PCDHGB5: variants seen among roughly 807,000 people sequenced by gnomAD.
PCDHGB5 encodes protocadherin gamma-B5.
In PCDHGB5, 48 loss-of-function variants were observed where a neutral mutation model predicts 62.9. The observed-to-expected ratio is 0.76, with a 90% CI of 0.61 to 0.97. The LOEUF is 0.97. PCDHGB5 is among the 50% of genes least tolerant of loss of function. The pLI is 0.00. For synonymous variants in PCDHGB5, 474 were observed against 511.2 expected (o/e 0.93, Z 0.98); for missense variants, 1,118 against 1,198.6 (o/e 0.93, Z 0.99).
intron 1 of PCDHGB5, chr5:141,427,922 G>A: frequency 6.3e-7 from 1 of 1,580,742 alleles, no homozygotes; most frequent in Non-Finnish European, 8.6e-7. Flanking sequence ...ACATGAGCCG[G>A]CGCATGTTGG....
intron 1 of PCDHGB5, among the ~76,000 whole-genome samples, chr5:141,480,339 T>A (rs764049837): frequency 1.3e-4 from 20 of 152,010 alleles, no homozygotes; most frequent in Non-Finnish European, 2.4e-4. Context: ...TGCTTGAGCC[T>A]GGGAGGTTGA....
rs780395794 is a variant in PCDHGB5, at chr5:141,489,685, G to A, written c.2398-5122G>A. ...GCGCATCTCAGAATCAGCAGCATCT[G>A]GGGCACGATTCCCACTGGACAGTGC... On this transcript the variant is annotated intron_variant, in intron 1 of 3. Coordinates refer to ENST00000617380, the MANE Select transcript of PCDHGB5 (RefSeq NM_018925.3). The surrounding 1 kb of genome is among the most constrained non-coding windows in gnomAD (Gnocchi z 4.5). 10 of 1,614,142 alleles carry A rather than the reference G, an allele frequency of 6.2e-6. No individual in the cohort carries two copies. The South Asian group carries it at 1.1e-4, about 18-fold the overall frequency.
intron 1 of PCDHGB5, chr5:141,407,979 T>G: frequency 1.3e-6 from 1 of 748,940 alleles, no homozygotes; most frequent in Non-Finnish European, 2.0e-6. Context: ...ACGCCGGGGA[T>G]CCGTCAGCCT....
chr5:141,482,562 C>A (rs1030078543), intron 1 of PCDHGB5, among the ~76,000 whole-genome samples: 68 of 142,616 alleles, frequency 4.8e-4, no homozygotes, highest in African/African-American at 1.8e-3. Flanking sequence ...TAATGGAGAT[C>A]TGCATAGCAT....
At position 141,400,282 on chromosome 5, in the gene PCDHGB5, G is replaced by T. The variant is rs774476991; in HGVS notation, c.2155G>T (p.Ala719Ser). Residue 719 changes from alanine (A) to serine (S), a missense_variant, in exon 1 of 4, where the codon GCC (alanine) becomes TCC (serine). Ala to Ser is a moderately conservative substitution (Grantham distance 99). This residue lies in a region of PCDHGB5 where 1,034 missense variants were observed against 1,029.1 expected (regional missense o/e 1.00). Transcript: ENST00000617380. ...CCTGCGACGCTCCTCCAGCCCTGCC[G>T]CCTGGAGCTGCTTCCAACCTGGTCT... ...LRLRRSSSPA[A>S]WSCFQPGLCV... is the part of the protein sequence containing the mutation. 2 of 1,613,974 alleles carry T rather than the reference G, an allele frequency of 1.2e-6. No individual in the cohort carries two copies. Among genetic ancestry groups the T allele is most frequent in the Non-Finnish European group, 1.7e-6 (2 of 1,179,868 alleles).
Position 141,491,401 on chromosome 5 carries a change from G to A in PCDHGB5, c.2398-3406G>A. The A allele has an allele frequency of 6.2e-7, 1 of 1,614,100 alleles. No homozygotes were observed. ...GTCAGCGAAGTGCCTTCAGGGAAAC[G>A]CAGACGGGGACGGGGGTGGAGGGCA... On this transcript the variant is annotated intron_variant, in intron 1 of 3. Transcript: ENST00000617380. This position sits in a 1 kb window ranked among gnomAD's most constrained non-coding sequence, Gnocchi z 6.9.
intron 1 of PCDHGB5, chr5:141,424,083 C>T (rs2096798692): frequency 4.2e-6 from 4 of 957,190 alleles, no homozygotes; most frequent in Non-Finnish European, 5.1e-6. Flanking sequence ...TATATTCCAC[C>T]ATTATTTGCT....
intron 1 of PCDHGB5, chr5:141,475,845 G>C: frequency 4.5e-6 from 2 of 448,002 alleles, no homozygotes; most frequent in Non-Finnish European, 7.9e-6. Context: ...TGCTCAGAGA[G>C]CCCGGCGCTA....
intron 1 of PCDHGB5, chr5:141,414,689 T>G (rs1256681548): frequency 1.2e-6 from 2 of 1,614,070 alleles, no homozygotes; most frequent in Non-Finnish European, 8.5e-7. Context: ...GGGGTACCTC[T>G]GTCCTCATAC....
At chr5:141,418,917 C>T in intron 1 of PCDHGB5, 1 of 1,613,988 alleles carries the variant, frequency 6.2e-7, no homozygotes, top group Non-Finnish European at 8.5e-7. Context: ...ACGTCACTCT[C>T]TGATCAGATT....
chr5:141,510,814 C>CA, intron 3 of PCDHGB5, 133 bp from the exon 4 acceptor site: 1 of 1,544,688 alleles, frequency 6.5e-7, no homozygotes, highest in Admixed American at 1.8e-5. Flanking sequence ...TTGGTGACCC[C>CA]TATATTCCCA....
intron 1 of PCDHGB5, among the ~76,000 whole-genome samples, chr5:141,460,304 A>T (rs769422296): frequency 2.6e-5 from 4 of 152,144 alleles, no homozygotes; most frequent in Admixed American, 6.5e-5. Flanking sequence ...TCCTATTCAA[A>T]AACTCCTTGC....
At chr5:141,496,759 C>T (rs1287940646) in intron 2 of PCDHGB5, among the ~76,000 whole-genome samples, 2 of 152,038 alleles carry the variant, frequency 1.3e-5, no homozygotes, top group South Asian at 4.2e-4. Context: ...AAATATTTAT[C>T]GAGCATCTAC....
At chr5:141,423,250 G>T in intron 1 of PCDHGB5, 1 of 1,613,954 alleles carries the variant, frequency 6.2e-7, no homozygotes, top group Non-Finnish European at 8.5e-7. Context: ...AGTCCTGGCG[G>T]ACCTCGGCAG....
chr5:141,437,512 G>A (rs1201910374), intron 1 of PCDHGB5, among the ~76,000 whole-genome samples: 2 of 152,144 alleles, frequency 1.3e-5, no homozygotes, highest in African/African-American at 2.4e-5. Flanking sequence ...TGAATTATAA[G>A]GCTGATGACA....
chr5:141,483,436 C>T, intron 1 of PCDHGB5, among the ~76,000 whole-genome samples: 1 of 152,198 alleles, frequency 6.6e-6, no homozygotes, highest in Non-Finnish European at 1.5e-5. Context: ...GAGCTGACTA[C>T]AATAAAATCA....
At position 141,413,133 on chromosome 5, in the gene PCDHGB5, C is replaced by T. The variant is rs765215473; in HGVS notation, c.2397+12609C>T. The stretch of plus-strand genomic sequence containing the variant: ...CAAAGGAACCGGTTGAAACACACAA[C>T]GTGTCCAGTGAGGACTTTGCAGAAT... On this transcript the variant is annotated intron_variant, in intron 1 of 3. Transcript: ENST00000617380. 1.1e-5 allele frequency: 17 copies of T among 1,542,110 alleles called. No individual in the cohort carries two copies. In the East Asian group the frequency reaches 3.2e-4, roughly 29 times the overall value.
chr5:141,415,041 G>T, intron 1 of PCDHGB5: 1 of 1,613,530 alleles, frequency 6.2e-7, no homozygotes, highest in Non-Finnish European at 8.5e-7. Flanking sequence ...GACTCTTCGC[G>T]GTGGGGGAGC....
Position 141,501,290 on chromosome 5 carries a change from TACACACAC to T in PCDHGB5, c.2457-4066_2457-4059del, listed in dbSNP as rs55762287. 3.7e-3 allele frequency among the ~76,000 whole-genome samples: 499 copies of T among 136,222 alleles called. 2 individuals carry two copies. Among genetic ancestry groups the T allele is most frequent in the Middle Eastern group, 0.033 (9 of 270 alleles). 89.4% of individuals were successfully genotyped at this position (136,222 alleles called of 152,430 possible). On this transcript the variant is annotated intron_variant, in intron 2 of 3. Transcript: ENST00000617380. ...GTCCAGTCTATGGGATATTCCCTTA[TACACACAC>T]ACACACACACACACACACACACACA... is the stretch of plus-strand genomic sequence containing the variant.
Sources: allele counts gnomAD v4.1 joint callset (sites outside exome capture counted in the v4.1 genomes callset), GRCh38; gene constraint gnomAD v4.1.1; regional missense constraint gnomAD v4.1.1; non-coding constraint Gnocchi (gnomAD v3.1); transcripts MANE v1.5; gene names NCBI Gene and HGNC (gene_info 2026-07-23, HGNC 2026-07-21).